Variants in AFF1 observed in about 807,000 individuals in gnomAD.
The protein encoded by AFF1 is AF4/FMR2 family member 1.
AFF1 carries 48 observed loss-of-function variants against 121.7 expected under a neutral mutation model. The ratio of observed to expected loss-of-function variants is 0.39; its 90% CI spans 0.31 to 0.50. The LOEUF (loss-of-function observed/expected upper bound fraction) is 0.50, where lower values mean the gene tolerates loss of function less well. AFF1 is among the 20% of genes least tolerant of loss of function. AFF1 has a pLI of 0.76. For missense variants in AFF1, 1,523 were observed against 1,511.7 expected, an observed-to-expected ratio of 1.01 and a Z score of -0.12; for synonymous variants, 613 against 563.0, an observed-to-expected ratio of 1.09 and a Z score of -1.26.
chr4:87,027,784 GTTTTTTTTTTTT>G (rs35903702), intron 2 of AFF1, among the ~76,000 whole-genome samples: 3 of 90,598 alleles, frequency 3.3e-5, no homozygotes, highest in Non-Finnish European at 6.1e-5. Context: ...TTGCTGTTGG[GTTTTTTTTTTTT>G]TTTTTTTTTT....
At chr4:87,014,118 G>A (rs939555579) in intron 2 of AFF1, among the ~76,000 whole-genome samples, 3 of 151,146 alleles carry the variant, frequency 2.0e-5, no homozygotes, top group South Asian at 4.2e-4. Context: ...ATCCAAATGC[G>A]TCTGTGTTAA....
At chr4:87,046,354 T>G in intron 3 of AFF1, 68 bp downstream of exon 3, 1 of 1,561,878 alleles carries the variant, frequency 6.4e-7, no homozygotes. Flanking sequence ...ATGAAACAAT[T>G]CAGTATAATT....
At position 86,937,046 on chromosome 4, in the gene AFF1, CTT is replaced by C. The variant is rs1159765220; in HGVS notation, c.-37+1809_-37+1810del. Reference sequence around the variant, plus strand: ...GGAAAATGAGTTTAGATATTGGAGACTTTTCTTTTTTCAAATATAACTTACAA... The same window carrying C: ...GGAAAATGAGTTTAGATATTGGAGACTTCTTTTTTCAAATATAACTTACAA... On this transcript the variant is annotated intron_variant, in intron 1 of 20. Transcript: ENST00000395146. Among the ~76,000 whole-genome samples, 6 of 152,226 alleles carry C rather than the reference CTT, an allele frequency of 3.9e-5. No homozygotes were observed. In the East Asian group the frequency reaches 9.6e-4, roughly 24 times the overall value.
Position 87,005,256 on chromosome 4 carries a change from G to C in AFF1, c.39-40910G>C, listed in dbSNP as rs59008728. On this transcript the variant is annotated intron_variant, in intron 2 of 20. Transcript: ENST00000395146. Reference sequence around the variant, plus strand: ...AGCCTCCCAAAGTGCTGGGATTACAGGCGTGAGCCACTGCACCTGGCCTAC... The same window carrying C: ...AGCCTCCCAAAGTGCTGGGATTACACGCGTGAGCCACTGCACCTGGCCTAC... Among the ~76,000 whole-genome samples the C allele has an allele frequency of 1.3e-3, 198 of 152,304 alleles. 1 individual carries two copies. The highest frequency in any genetic ancestry group is 4.5e-3 in the African/African-American group (188 of 41,566).
At chr4:86,975,769 C>G (rs1723257910) in intron 2 of AFF1, among the ~76,000 whole-genome samples, 1 of 152,100 alleles carries the variant, frequency 6.6e-6, no homozygotes, top group Admixed American at 6.5e-5. Context: ...TATTCTTTTG[C>G]CCCCATAAGG....
intron 4 of AFF1, among the ~76,000 whole-genome samples, chr4:87,072,220 G>A (rs1722140051): frequency 6.6e-6 from 1 of 151,798 alleles, no homozygotes; most frequent in African/African-American, 2.4e-5. Context: ...AAAATTAGCT[G>A]GGCCTGGTGG....
chr4:87,048,950 G>C (rs1221471363), intron 4 of AFF1, among the ~76,000 whole-genome samples: 1 of 151,970 alleles, frequency 6.6e-6, no homozygotes, highest in Non-Finnish European at 1.5e-5. Flanking sequence ...GCTGAATGAA[G>C]GCAAAATAAA....
At chr4:87,039,130 A>G (rs1411199312) in intron 2 of AFF1, among the ~76,000 whole-genome samples, 3 of 152,248 alleles carry the variant, frequency 2.0e-5, no homozygotes, top group African/African-American at 7.2e-5. Context: ...CCCACGTCTC[A>G]TGCCCAACTT....
At chr4:87,022,580 A>ATATATATATCTATC (rs1399457511) in intron 2 of AFF1, among the ~76,000 whole-genome samples, 1 of 89,358 alleles carries the variant, frequency 1.1e-5, no homozygotes, top group African/African-American at 5.3e-5. Context: ...ATATATATAT[A>ATATATATATCTATC]TATCTATCTA....
At chr4:87,067,930 G>A (rs10028134) in intron 4 of AFF1, among the ~76,000 whole-genome samples, 9,556 of 152,140 alleles carry the variant, frequency 0.063, 629 homozygotes, top group African/African-American at 0.16. Context: ...TAGATAAAAA[G>A]TAAAGTTTTA....
At chr4:87,100,610 C>T (rs560165021) in intron 8 of AFF1, among the ~76,000 whole-genome samples, 6 of 152,276 alleles carry the variant, frequency 3.9e-5, no homozygotes, top group Admixed American at 1.3e-4. Flanking sequence ...TCTTCCTCCT[C>T]TAGACTAGCG....
chr4:87,015,335 T>A (rs2149545884), intron 2 of AFF1, among the ~76,000 whole-genome samples: 1 of 152,240 alleles, frequency 6.6e-6, no homozygotes, highest in African/African-American at 2.4e-5. Context: ...AGGGGAAAAA[T>A]TAGGCAGTAA....
chr4:86,997,838 G>T (rs1285371026), intron 2 of AFF1, among the ~76,000 whole-genome samples: 1 of 151,886 alleles, frequency 6.6e-6, no homozygotes, highest in Non-Finnish European at 1.5e-5. Flanking sequence ...GCTGGGCATG[G>T]TGGCTCACGC....
intron 6 of AFF1, 116 bp from the exon 7 acceptor site, chr4:87,091,677 T>A (rs1360469430): frequency 4.4e-6 from 3 of 688,438 alleles, no homozygotes; most frequent in Non-Finnish European, 7.3e-6. Context: ...TCCATTTTTC[T>A]AGATATTTGA....
chr4:87,023,349 G>A (rs1462939596), intron 2 of AFF1, among the ~76,000 whole-genome samples: 1 of 152,092 alleles, frequency 6.6e-6, no homozygotes. Context: ...TTTTAACTTT[G>A]TAAATTTTAA....
chr4:86,964,155 C>T (rs1448931503), intron 2 of AFF1, among the ~76,000 whole-genome samples: 12 of 140,848 alleles, frequency 8.5e-5, no homozygotes, highest in African/African-American at 1.6e-4. Context: ...GATGGAGTCT[C>T]GCCCCGTCAC....
At chr4:87,056,252 T>C (rs1720128501) in intron 4 of AFF1, among the ~76,000 whole-genome samples, 1 of 152,140 alleles carries the variant, frequency 6.6e-6, no homozygotes, top group South Asian at 2.1e-4. Flanking sequence ...TCACCTTAGG[T>C]TTTTTATTCC....
At chr4:87,010,162 T>C (rs1467344645) in intron 2 of AFF1, among the ~76,000 whole-genome samples, 2 of 152,242 alleles carry the variant, frequency 1.3e-5, no homozygotes, top group African/African-American at 4.8e-5. Flanking sequence ...TTGTGGACTT[T>C]TATAAATTAA....
intron 2 of AFF1, among the ~76,000 whole-genome samples, chr4:86,954,073 C>T: frequency 6.6e-6 from 1 of 152,156 alleles, no homozygotes; most frequent in East Asian, 1.9e-4. Flanking sequence ...GTCTAGAACT[C>T]CTCTCCTTTC....
Sources: allele counts gnomAD v4.1 joint callset (sites outside exome capture counted in the v4.1 genomes callset), GRCh38; gene constraint gnomAD v4.1.1; transcripts MANE v1.5; gene names NCBI Gene and HGNC (gene_info 2026-07-23, HGNC 2026-07-21).